PPP1R9A: variants seen among roughly 807,000 people sequenced by gnomAD.
PPP1R9A encodes neurabin-1.
PPP1R9A carries 59 observed loss-of-function variants against 141.9 expected under a neutral mutation model. The observed-to-expected ratio is 0.42, with a 90% CI of 0.34 to 0.52. The LOEUF (loss-of-function observed/expected upper bound fraction) is 0.52. PPP1R9A is among the 20% of genes least tolerant of loss of function. The pLI is 0.10. For synonymous variants in PPP1R9A, 500 were observed against 569.7 expected, an observed-to-expected ratio of 0.88 and a Z score of 1.74; for missense variants, 1,444 against 1,611.9, an observed-to-expected ratio of 0.90 and a Z score of 1.78.
intron 2 of PPP1R9A, among the ~76,000 whole-genome samples, chr7:95,004,969 TGAGTA>T (rs1283097444): frequency 1.3e-5 from 2 of 152,172 alleles, no homozygotes; most frequent in African/African-American, 4.8e-5. Flanking sequence ...CTTGCTGACT[TGAGTA>T]AAGATTTCTG....
chr7:95,184,775 G>C (rs1834375519), intron 5 of PPP1R9A, among the ~76,000 whole-genome samples: 1 of 152,086 alleles, frequency 6.6e-6, no homozygotes, highest in Non-Finnish European at 1.5e-5. Flanking sequence ...ACTCCATCCA[G>C]GTTGCTGCAA....
chr7:95,197,506 C>T (rs779737862), intron 5 of PPP1R9A, among the ~76,000 whole-genome samples: 19 of 152,072 alleles, frequency 1.2e-4, no homozygotes, highest in Non-Finnish European at 2.2e-4. Context: ...CTATCTTTCC[C>T]CCCAAAGGAA....
intron 10 of PPP1R9A, among the ~76,000 whole-genome samples, chr7:95,251,079 A>T (rs77764193): frequency 0.12 from 17,930 of 152,236 alleles, 1,164 homozygotes; most frequent in East Asian, 0.17. Context: ...TTTAATATTT[A>T]AAAGAGTTTT....
chr7:95,268,506 C>T (rs765632078), intron 12 of PPP1R9A, 44 bp from the exon 13 acceptor site: 1 of 1,603,982 alleles, frequency 6.2e-7, no homozygotes, highest in Non-Finnish European at 8.5e-7. Flanking sequence ...TTCATCAGTT[C>T]TCTCCAAAGG....
chr7:95,089,991 T>A (rs150940996), intron 2 of PPP1R9A, among the ~76,000 whole-genome samples: 24 of 152,078 alleles, frequency 1.6e-4, no homozygotes, highest in African/African-American at 5.6e-4. Flanking sequence ...CAGCCAAATG[T>A]CTGAAAGAAG....
intron 2 of PPP1R9A, among the ~76,000 whole-genome samples, chr7:94,944,091 C>G (rs1266131361): frequency 6.6e-6 from 1 of 152,040 alleles, no homozygotes; most frequent in African/African-American, 2.4e-5. Flanking sequence ...TATACAATCC[C>G]TAGTGATCAA....
At chr7:95,246,336 C>G (rs181170153) in intron 8 of PPP1R9A, among the ~76,000 whole-genome samples, 2 of 152,258 alleles carry the variant, frequency 1.3e-5, no homozygotes, top group East Asian at 3.9e-4. Context: ...ATAAGAAAAC[C>G]TCTTAGCCTT....
chr7:95,069,116 G>GA (rs768789267), intron 2 of PPP1R9A, among the ~76,000 whole-genome samples: 1 of 152,022 alleles, frequency 6.6e-6, no homozygotes, highest in African/African-American at 2.4e-5. Flanking sequence ...ATAATGACAA[G>GA]AAAAAAAGCC....
chr7:95,193,239 T>C (rs1289016823), intron 5 of PPP1R9A, among the ~76,000 whole-genome samples: 4 of 149,986 alleles, frequency 2.7e-5, no homozygotes, highest in Admixed American at 2.0e-4. Flanking sequence ...ATCTGGGTGC[T>C]ATAACACTGC....
intron 14 of PPP1R9A, among the ~76,000 whole-genome samples, chr7:95,270,967 G>A (rs854527): frequency 0.5 from 75,270 of 151,860 alleles, 18,973 homozygotes; most frequent in Middle Eastern, 0.61. Flanking sequence ...GAGAGATTGC[G>A]TCCAGCTGAG....
At chr7:95,109,731 C>G (rs1273985826) in intron 2 of PPP1R9A, among the ~76,000 whole-genome samples, 1 of 151,572 alleles carries the variant, frequency 6.6e-6, no homozygotes, top group Non-Finnish European at 1.5e-5. Context: ...GTAATCCTAG[C>G]TACTCAGGAG....
At chr7:95,076,170 TG>T (rs1169738989) in intron 2 of PPP1R9A, among the ~76,000 whole-genome samples, 1 of 152,148 alleles carries the variant, frequency 6.6e-6, no homozygotes, top group Non-Finnish European at 1.5e-5. Context: ...CCGAAAGTGC[TG>T]GGATTAGAGG....
chr7:94,923,923 A>C (rs1386952181), intron 2 of PPP1R9A, among the ~76,000 whole-genome samples: 1 of 152,174 alleles, frequency 6.6e-6, no homozygotes, highest in African/African-American at 2.4e-5. Flanking sequence ...GTCCTAATTA[A>C]ATTGCCTTAC....
In PPP1R9A at chr7:95,255,182, G is replaced by A. The variant is rs149994878; in HGVS notation, c.2665+3052G>A. Among the ~76,000 whole-genome samples, 421 of 152,202 alleles carry A rather than the reference G, an allele frequency of 2.8e-3. 2 individuals carry two copies. Among genetic ancestry groups the A allele is most frequent in the African/African-American group, 8.7e-3 (360 of 41,540 alleles). ...TTTCTTAGTGCCTAAATAATGCCAG[G>A]ATTAGGATAAAAACAGAGAATAGGT... On this transcript the variant is annotated intron_variant, in intron 12 of 19. Transcript: ENST00000433360.
chr7:95,086,229 C>A (rs1816615288), intron 2 of PPP1R9A, among the ~76,000 whole-genome samples: 1 of 151,936 alleles, frequency 6.6e-6, no homozygotes, highest in Non-Finnish European at 1.5e-5. Context: ...TTGCTCTACA[C>A]ATTGTAGAAG....
chr7:94,915,592 A>C (rs1044087905), intron 2 of PPP1R9A, among the ~76,000 whole-genome samples: 1 of 152,230 alleles, frequency 6.6e-6, no homozygotes, highest in Non-Finnish European at 1.5e-5. Flanking sequence ...CACATGATTT[A>C]CCAAACCAGT....
intron 2 of PPP1R9A, among the ~76,000 whole-genome samples, chr7:94,929,405 A>C (rs577457804): frequency 6.6e-6 from 1 of 152,302 alleles, no homozygotes; most frequent in African/African-American, 2.4e-5. Flanking sequence ...GCCAAACTCT[A>C]TCTGAGTTTC....
chr7:94,928,722 T>A (rs749521251), intron 2 of PPP1R9A, among the ~76,000 whole-genome samples: 19 of 152,188 alleles, frequency 1.2e-4, no homozygotes, highest in Non-Finnish European at 1.8e-4. Flanking sequence ...AAAACATGAG[T>A]GTGAAAATAT....
At chr7:94,982,912 G>A (rs1323666364) in intron 2 of PPP1R9A, among the ~76,000 whole-genome samples, 1 of 152,112 alleles carries the variant, frequency 6.6e-6, no homozygotes, top group Non-Finnish European at 1.5e-5. Context: ...TCCTGAATGG[G>A]TATTGCCTAG....
Sources: allele counts gnomAD v4.1 joint callset (sites outside exome capture counted in the v4.1 genomes callset), GRCh38; gene constraint gnomAD v4.1.1; transcripts MANE v1.5; gene names NCBI Gene and HGNC (gene_info 2026-07-23, HGNC 2026-07-21).